MED30: variants seen among roughly 807,000 people sequenced by gnomAD.
MED30 encodes the protein mediator complex subunit 30, also known as mediator of RNA polymerase II transcription subunit 30.
MED30 carries 8 observed loss-of-function variants against 21.7 expected under a neutral mutation model. That is an observed-to-expected ratio of 0.37 (90% CI 0.22 to 0.67). The LOEUF is 0.67. Ranked by LOEUF, MED30 falls within the 30% of genes least tolerant of loss-of-function variation. MED30 has a pLI of 0.58. For synonymous variants in MED30, 79 were observed against 86.7 expected, an observed-to-expected ratio of 0.91 and a Z score of 0.49; for missense variants, 203 against 228.2, an observed-to-expected ratio of 0.89 and a Z score of 0.71.
At chr8:117,527,247 G>A (rs1489102591) in intron 1 of MED30, among the ~76,000 whole-genome samples, 1 of 151,954 alleles carries the variant, frequency 6.6e-6, no homozygotes, top group Admixed American at 6.6e-5. Context: ...AGTTCAGGAG[G>A]AGAAATCTTA....
At chr8:117,535,519 C>A (rs1292239501) in intron 3 of MED30, among the ~76,000 whole-genome samples, 1 of 151,876 alleles carries the variant, frequency 6.6e-6, no homozygotes, top group Admixed American at 6.6e-5. Flanking sequence ...TGAGCTACTG[C>A]ACCCAGCCGA....
chr8:117,536,746 A>T (rs1441073351), intron 3 of MED30, among the ~76,000 whole-genome samples: 1 of 152,194 alleles, frequency 6.6e-6, no homozygotes, highest in Non-Finnish European at 1.5e-5. Flanking sequence ...ATATCCTGGA[A>T]TCCTTAAGCC....
At chr8:117,539,266 G>C (rs1028161935) in intron 3 of MED30, among the ~76,000 whole-genome samples, 1 of 152,158 alleles carries the variant, frequency 6.6e-6, no homozygotes, top group Non-Finnish European at 1.5e-5. Context: ...GGCCAAGACG[G>C]GCAGATCACT....
chr8:117,522,636 T>C (rs717349), intron 1 of MED30, among the ~76,000 whole-genome samples: 27,970 of 139,202 alleles, frequency 0.2, 2,591 homozygotes, highest in African/African-American at 0.25. Context: ...GTTTTATTGC[T>C]TTTTTTTTTT....
chr8:117,523,170 C>T, intron 1 of MED30: 1 of 649,270 alleles, frequency 1.5e-6, no homozygotes, highest in South Asian at 1.7e-5. Flanking sequence ...AACTAGATTA[C>T]ATGTGGACCT....
intron 3 of MED30, among the ~76,000 whole-genome samples, chr8:117,535,793 T>C (rs945683681): frequency 6.6e-6 from 1 of 152,156 alleles, no homozygotes; most frequent in East Asian, 1.9e-4. Context: ...TACTAGGTGA[T>C]AGAGTTTTAA....
chr8:117,522,672 G>A (rs1026516941), intron 1 of MED30, among the ~76,000 whole-genome samples: 1 of 139,480 alleles, frequency 7.2e-6, no homozygotes, highest in Non-Finnish European at 1.5e-5. Flanking sequence ...TTTTTTTTTC[G>A]TCCTGATTAT....
intron 3 of MED30, among the ~76,000 whole-genome samples, chr8:117,535,210 T>G (rs2130817901): frequency 6.6e-6 from 1 of 151,620 alleles, no homozygotes; most frequent in South Asian, 2.1e-4. Context: ...TTTTAATTTT[T>G]AAAATACTGA....
At chr8:117,534,353 C>T (rs913899978) in intron 3 of MED30, among the ~76,000 whole-genome samples, 1 of 152,070 alleles carries the variant, frequency 6.6e-6, no homozygotes, top group Non-Finnish European at 1.5e-5. Flanking sequence ...TCAATAGATA[C>T]ACAATGTTTC....
At chr8:117,531,803 C>G (rs954100826) in intron 3 of MED30, among the ~76,000 whole-genome samples, 3 of 151,614 alleles carry the variant, frequency 2.0e-5, no homozygotes, top group Non-Finnish European at 4.4e-5. Flanking sequence ...CTTTATAACA[C>G]TATGTTTAAT....
At chr8:117,525,895 T>G (rs573648558) in intron 1 of MED30, among the ~76,000 whole-genome samples, 128 of 152,220 alleles carry the variant, frequency 8.4e-4, no homozygotes, top group African/African-American at 3.0e-3. Flanking sequence ...TTTTTCCACA[T>G]GTATTTTAGA....
At chr8:117,531,734 A>G (rs1229049479) in intron 3 of MED30, among the ~76,000 whole-genome samples, 1 of 151,964 alleles carries the variant, frequency 6.6e-6, no homozygotes, top group African/African-American at 2.4e-5. Context: ...AATACCCAAC[A>G]TTTTTCATAA....
chr8:117,539,477 A>G (rs2130821161), intron 3 of MED30, among the ~76,000 whole-genome samples: 2 of 152,312 alleles, frequency 1.3e-5, no homozygotes, highest in Middle Eastern at 3.4e-3. Flanking sequence ...GAAAAAAAAA[A>G]AAAATTCGTA....
rs775785886 is a variant in MED30 at position 117,533,490 on chromosome 8, T to TGG, written c.441+2666_441+2667dup. On this transcript the variant is annotated intron_variant, in intron 3 of 3. Coordinates refer to ENST00000297347, the MANE Select transcript of MED30 (RefSeq NM_080651.4). ...CCTTTCAGTGCACTTATATCATATT[T>TGG]GGGGTTCAGTAAATAATCTGTATCA... Among the ~76,000 whole-genome samples the TGG allele has an allele frequency of 5.7e-4, 87 of 152,200 alleles. 1 individual carries two copies. The highest frequency in any genetic ancestry group is 1.1e-3 in the Non-Finnish European group (74 of 68,024).
At chr8:117,536,200 C>G (rs1818875744) in intron 3 of MED30, among the ~76,000 whole-genome samples, 1 of 152,122 alleles carries the variant, frequency 6.6e-6, no homozygotes, top group Non-Finnish European at 1.5e-5. Context: ...TCTTGGAGAA[C>G]ATAAGACTCC....
chr8:117,528,689 A>G lies in MED30; in HGVS notation c.216A>G (p.Gln72=), dbSNP rs769942589. 6 of 1,608,194 alleles carry G rather than the reference A, an allele frequency of 3.7e-6. No homozygotes were observed. In the East Asian group the frequency reaches 1.1e-4, roughly 30 times the overall value. Residue 72 remains glutamine, a synonymous_variant, in exon 2 of 4, where the codon CAA becomes CAG. Transcript: ENST00000297347. ...NGVTYHTGTY[Q]DRLTKLQDNL... is the part of the protein sequence containing the mutation. ...TCACTTACCACACTGGAACATATCA[A>G]GACCGGTTAACAAAGCTACAGGATA...
chr8:117,538,662 A>T (rs1162600191), intron 3 of MED30, among the ~76,000 whole-genome samples: 1 of 152,194 alleles, frequency 6.6e-6, no homozygotes, highest in Non-Finnish European at 1.5e-5. Context: ...TATAACTAGT[A>T]AACACTCTGA....
chr8:117,520,918 G>C lies in MED30; in HGVS notation c.42G>C (p.Gly14=). Residue 14 remains glycine (G), a synonymous_variant, in exon 1 of 4, where the codon GGG becomes GGC. Coordinates refer to ENST00000297347, the MANE Select transcript of MED30 (RefSeq NM_080651.4). ...TGGCCGCGTCGGGGATGGCGCCCGG[G>C]CCCTTCGCCGGGCCCCAGGCTCAGC... ...PPLAASGMAP[G]PFAGPQAQQA... 2.4e-5 allele frequency: 39 copies of C among 1,609,612 alleles called. No homozygotes were observed. The highest frequency in any genetic ancestry group is 3.3e-5 in the Non-Finnish European group (39 of 1,178,312).
chr8:117,535,251 T>A (rs1343015115), intron 3 of MED30, among the ~76,000 whole-genome samples: 1 of 150,490 alleles, frequency 6.6e-6, no homozygotes, highest in African/African-American at 2.4e-5. Context: ...TTTTTTTTTT[T>A]TTTTTTTTTG....
Sources: gnomAD v4.1 joint callset for allele counts (sites outside exome capture counted in the v4.1 genomes callset) on GRCh38, gnomAD v4.1.1 for gene constraint, MANE v1.5 for transcripts, NCBI Gene and HGNC (gene_info 2026-07-23, HGNC 2026-07-21) for gene names.